Variants in PARP14 observed in about 807,000 individuals in gnomAD.
The protein encoded by PARP14 is poly(ADP-ribose) polymerase family member 14.
Under a neutral mutation model 154.2 loss-of-function variants are expected in PARP14, and 59 were observed. The ratio of observed to expected loss-of-function variants is 0.38; its 90% CI spans 0.31 to 0.48. The LOEUF (loss-of-function observed/expected upper bound fraction) is 0.48. Ranked by LOEUF, PARP14 falls within the 20% of genes least tolerant of loss-of-function variation. The pLI is 0.98. For synonymous variants in PARP14, 720 were observed against 780.5 expected, an observed-to-expected ratio of 0.92 and a Z score of 1.29; for missense variants, 1,734 against 2,131.6, an observed-to-expected ratio of 0.81 and a Z score of 3.67.
Position 122,699,467 on chromosome 3 carries a change from G to A in PARP14, c.913G>A (p.Gly305Ser), listed in dbSNP as rs755755963. 2 of 1,613,722 alleles carry A rather than the reference G, an allele frequency of 1.2e-6. No homozygotes were observed. Among genetic ancestry groups the A allele is most frequent in the East Asian group, 4.5e-5 (2 of 44,886 alleles). ...LSVFPYYASL[G>S]TALYGKEKPL... ...TGTGTTCCCATACTATGCCTCATTGGGCACAGCCTTGTATGGAAAGGAGAA... is the reference window on the plus strand; with the variant it reads ...TGTGTTCCCATACTATGCCTCATTGAGCACAGCCTTGTATGGAAAGGAGAA... Residue 305 changes from glycine to serine, a missense_variant, in exon 6 of 17, where the codon GGC becomes AGC. This residue lies in a region of PARP14 where 1,646 missense variants were observed against 1,976.0 expected (regional missense o/e 0.83). Transcript: ENST00000474629.
intron 3 of PARP14, among the ~76,000 whole-genome samples, chr3:122,688,740 C>A (rs1938451873): frequency 6.6e-6 from 1 of 152,140 alleles, no homozygotes; most frequent in East Asian, 1.9e-4. Context: ...GGGGAACGTA[C>A]TCTCCGGACA....
Position 122,727,812 on chromosome 3 carries a change from A to G in PARP14, c.4942A>G (p.Ile1648Val). 1 of 1,596,492 alleles carries G rather than the reference A, an allele frequency of 6.3e-7. No homozygotes were observed. Among genetic ancestry groups the G allele is most frequent in the South Asian group, 1.1e-5 (1 of 89,140 alleles). The change falls in exon 16 of 17, where the codon ATT becomes GTT. Residue 1648 changes from isoleucine (I) to valine (V), a missense_variant and splice_region_variant. Around this residue, in one of 2 missense-constraint regions of PARP14, gnomAD observed 1,646 missense variants for 1,976.0 expected, o/e 0.83. Transcript: ENST00000474629. ...QTCSHFRIEKIERIQNPDLWN... is the reference protein window; with the variant it reads ...QTCSHFRIEKVERIQNPDLWN... ...AATATTATCCTTTATTAATTTGCAGATTGAGAGGATCCAGAATCCAGATCT... is the reference window on the plus strand; with the variant it reads ...AATATTATCCTTTATTAATTTGCAGGTTGAGAGGATCCAGAATCCAGATCT...
rs756053145 is a variant in PARP14, at chr3:122,685,272, C to A, written c.275C>A (p.Thr92Asn). Residue 92 changes from threonine to asparagine, a missense_variant, in exon 2 of 17, where the codon ACC becomes AAC. Thr to Asn is a moderately conservative substitution (Grantham distance 65). Coordinates refer to ENST00000474629, the MANE Select transcript of PARP14 (RefSeq NM_017554.3). ...TFKLTVQLPA[T>N]PDEIDHVFEE... ...AAGTTAACTGTCCAGTTACCTGCAACCCCAGATGAAATCGATCATGTCTTT... is the reference window on the plus strand; with the variant it reads ...AAGTTAACTGTCCAGTTACCTGCAAACCCAGATGAAATCGATCATGTCTTT... 6 of 1,613,738 alleles carry A rather than the reference C, an allele frequency of 3.7e-6. No homozygotes were observed. Among genetic ancestry groups the A allele is most frequent in the Non-Finnish European group, 5.1e-6 (6 of 1,179,714 alleles).
At chr3:122,712,133 C>T (rs985527987) in intron 9 of PARP14, among the ~76,000 whole-genome samples, 1 of 152,072 alleles carries the variant, frequency 6.6e-6, no homozygotes, top group African/African-American at 2.4e-5. Context: ...TCCATTCATT[C>T]CACATCATTT....
rs144051474 is a variant in PARP14, at chr3:122,700,030, G to T, written c.1476G>T (p.Thr492=). Residue 492 remains threonine, a synonymous_variant, in exon 6 of 17, where the codon ACG becomes ACT. Coordinates refer to ENST00000474629, the MANE Select transcript of PARP14 (RefSeq NM_017554.3). ...GCAGTCTACTGGACCATTTACTCAC[G>T]GAGTGCCCAGAGATAGAGATTTGTT... The part of the protein sequence containing the change: ...CHSSLLDHLL[T]ECPEIEICYD... 47 of 1,613,760 alleles carry T rather than the reference G, an allele frequency of 2.9e-5. 1 individual carries two copies. The South Asian group carries it at 3.2e-4, about 11-fold the overall frequency.
chr3:122,683,982 A>C (rs1938294394), intron 1 of PARP14, among the ~76,000 whole-genome samples: 1 of 152,146 alleles, frequency 6.6e-6, no homozygotes, highest in African/African-American at 2.4e-5. Context: ...GTTTGTGTGG[A>C]AACATCTGCC....
At chr3:122,717,343 GA>G (rs1461361616) in intron 12 of PARP14, among the ~76,000 whole-genome samples, 2 of 152,184 alleles carry the variant, frequency 1.3e-5, no homozygotes, top group Admixed American at 1.3e-4. Flanking sequence ...GACTTTTCAT[GA>G]TCTTACCTAG....
rs1042316427 is a variant in PARP14 at position 122,681,385 on chromosome 3, T to C, written c.187+315T>C. Among the ~76,000 whole-genome samples the C allele has an allele frequency of 2.6e-5, 4 of 152,242 alleles. No homozygotes were observed. The highest frequency in any genetic ancestry group is 5.9e-5 in the Non-Finnish European group (4 of 68,038). The stretch of plus-strand genomic sequence containing the variant: ...GTTGTGGTGGTGTTATTGTTTGTTG[T>C]TGTTGTTGTGGAAGTGAGTCTATCC... On this transcript the variant is annotated intron_variant, in intron 1 of 16. Transcript: ENST00000474629. The surrounding 1 kb of genome is among the most constrained non-coding windows in gnomAD (Gnocchi z 5.5).
At position 122,720,362 on chromosome 3, in the gene PARP14, A is replaced by T. The variant is rs1368303400; in HGVS notation, c.4915A>T (p.Thr1639Ser). Reference sequence around the variant, plus strand: ...CACGGTGGCAAGCAAGTTTAATCAGACCTGCTCACACTTCAGAATAGAGAA... The same window carrying T: ...CACGGTGGCAAGCAAGTTTAATCAGTCCTGCTCACACTTCAGAATAGAGAA... Reference protein sequence around the residue: ...YNTVASKFNQTCSHFRIEKIE... With the variant: ...YNTVASKFNQSCSHFRIEKIE... Residue 1639 changes from threonine to serine, a missense_variant, in exon 15 of 17, where the codon ACC (threonine) becomes TCC (serine). Thr to Ser is a moderately conservative substitution (Grantham distance 58, BLOSUM62 1). Coordinates refer to ENST00000474629, the MANE Select transcript of PARP14 (RefSeq NM_017554.3). 6.2e-7 allele frequency: 1 copy of T among 1,613,162 alleles called. No individual in the cohort carries two copies. Among genetic ancestry groups the T allele is most frequent in the South Asian group, 1.1e-5 (1 of 90,790 alleles).
rs1052706559 is a variant in PARP14 at position 122,723,097 on chromosome 3, G to A, written c.4941+2709G>A. Among the ~76,000 whole-genome samples, 5 of 152,002 alleles carry A rather than the reference G, an allele frequency of 3.3e-5. No individual in the cohort carries two copies. The East Asian group carries it at 5.8e-4, about 18-fold the overall frequency. Reference sequence around the variant, plus strand: ...ATTGCAGGTGCCCACCACCACACCCGGCTAATTTTTTTTTGTATTTTTAGT... The same window carrying A: ...ATTGCAGGTGCCCACCACCACACCCAGCTAATTTTTTTTTGTATTTTTAGT... On this transcript the variant is annotated intron_variant, in intron 15 of 16. Coordinates refer to ENST00000474629, the MANE Select transcript of PARP14 (RefSeq NM_017554.3).
Position 122,701,664 on chromosome 3 carries a change from A to G in PARP14, c.3081+29A>G, listed in dbSNP as rs761971281. On this transcript the variant is annotated intron_variant, in intron 6 of 16. Coordinates refer to ENST00000474629, the MANE Select transcript of PARP14 (RefSeq NM_017554.3). This position sits in a 1 kb window ranked among gnomAD's most constrained non-coding sequence, Gnocchi z 4.0. The stretch of plus-strand genomic sequence containing the variant: ...AGTGTCGCTTTTACAGAACACCACC[A>G]GGGCACTGTGACTTTACTTAGTCAG... 7 of 1,472,640 alleles carry G rather than the reference A, an allele frequency of 4.8e-6. No homozygotes were observed. The South Asian group carries it at 9.1e-5, about 19-fold the overall frequency. The allele number at this position is 1,472,640 out of a possible 1,614,324, so 91.2% of individuals were successfully genotyped here. A position where few individuals can be genotyped will look rare whatever the true frequency, so the allele number is the denominator to read the frequency against.
At chr3:122,709,999 C>T (rs566445196) in intron 9 of PARP14, among the ~76,000 whole-genome samples, 1 of 151,404 alleles carries the variant, frequency 6.6e-6, no homozygotes, top group Non-Finnish European at 1.5e-5. Context: ...AATATTTTCT[C>T]CCATTCTGTG....
Position 122,699,789 on chromosome 3 carries a change from C to A in PARP14, c.1235C>A (p.Thr412Asn). The part of the protein sequence containing the change: ...PIKVDPTMWD[T>N]IKNDVKDDRI... ...AAAGTGGATCCAACAATGTGGGACA[C>A]CATAAAAAATGATGTGAAAGATGAC... is the stretch of plus-strand genomic sequence containing the variant. Residue 412 changes from threonine (T) to asparagine (N), a missense_variant, in exon 6 of 17, where the codon ACC (threonine) becomes AAC (asparagine). Physicochemically the swap from Thr to Asn is moderately conservative, Grantham distance 65 (BLOSUM62 0). Around this residue, in one of 2 missense-constraint regions of PARP14, gnomAD observed 1,646 missense variants for 1,976.0 expected, o/e 0.83. Transcript: ENST00000474629. 6.2e-7 allele frequency: 1 copy of A among 1,613,676 alleles called. No individual in the cohort carries two copies. Among genetic ancestry groups the A allele is most frequent in the South Asian group, 1.1e-5 (1 of 91,058 alleles).
At chr3:122,697,100 A>G (rs1335965697) in intron 5 of PARP14, among the ~76,000 whole-genome samples, 2 of 152,034 alleles carry the variant, frequency 1.3e-5, no homozygotes, top group African/African-American at 4.8e-5. Flanking sequence ...GTACAGGTGC[A>G]TGCCACCATA....
At chr3:122,710,595 G>A (rs1193818171) in intron 9 of PARP14, among the ~76,000 whole-genome samples, 1 of 151,998 alleles carries the variant, frequency 6.6e-6, no homozygotes, top group African/African-American at 2.4e-5. Context: ...TGTGAAGAAT[G>A]ATGCTGGTAT....
chr3:122,695,365 T>C (rs1045697051), intron 4 of PARP14, 61 bp from the exon 5 acceptor site: 9 of 840,818 alleles, frequency 1.1e-5, no homozygotes, highest in East Asian at 2.7e-5. Flanking sequence ...TTTTCTTCTA[T>C]ACAACATAAA....
intron 7 of PARP14, 48 bp from the exon 8 acceptor site, chr3:122,704,479 C>T: frequency 8.3e-7 from 1 of 1,200,948 alleles, no homozygotes. Context: ...TTTGTTCTAA[C>T]TCCCATTTCT....
chr3:122,686,345 G>T (rs892516578), intron 2 of PARP14, among the ~76,000 whole-genome samples: 1 of 151,824 alleles, frequency 6.6e-6, no homozygotes, highest in Non-Finnish European at 1.5e-5. Context: ...TGTAGAGTCG[G>T]GGTTTTACCA....
rs896272860 is a variant in PARP14 at position 122,700,918 on chromosome 3, T to C, written c.2364T>C (p.Ala788=). 2 of 1,614,034 alleles carry C rather than the reference T, an allele frequency of 1.2e-6. No homozygotes were observed. Among genetic ancestry groups the C allele is most frequent in the Non-Finnish European group, 1.7e-6 (2 of 1,179,880 alleles). The part of the protein sequence containing the change: ...NEVMKEGGSP[A]GQKCFSRTVL... ...TAATGAAGGAGGGAGGCAGCCCCGC[T>C]GGGCAGAAGTGCTTCTCTCGGACAG... is the stretch of plus-strand genomic sequence containing the variant. The change falls in exon 6 of 17, where the codon GCT becomes GCC. Residue 788 remains alanine, a synonymous_variant. Coordinates refer to ENST00000474629, the MANE Select transcript of PARP14 (RefSeq NM_017554.3).
Sources: gnomAD v4.1 joint callset for allele counts (sites outside exome capture counted in the v4.1 genomes callset) on GRCh38, gnomAD v4.1.1 for gene constraint, gnomAD v4.1.1 regional missense constraint, Gnocchi (gnomAD v3.1) non-coding constraint, MANE v1.5 for transcripts, NCBI Gene and HGNC (gene_info 2026-07-23, HGNC 2026-07-21) for gene names.